The following UGGT1 variants were observed in gnomAD, a reference collection of about 807,000 sequenced individuals.
UGGT1 encodes the protein UDP-glucose glycoprotein glucosyltransferase 1.
In UGGT1, 107 loss-of-function variants were observed where a neutral mutation model predicts 203.9. That is an observed-to-expected ratio of 0.52 (90% CI 0.45 to 0.62). UGGT1 has a LOEUF of 0.62. Ranked by LOEUF, UGGT1 falls within the 20% of genes least tolerant of loss-of-function variation. The pLI is 0.00. For missense variants in UGGT1, 1,673 were observed against 1,867.2 expected (o/e 0.90, Z 1.92); for synonymous variants, 628 against 653.5 (o/e 0.96, Z 0.59).
intron 22 of UGGT1, 95 bp from the exon 23 acceptor site, chr2:128,159,416 ATAT>A: frequency 8.7e-6 from 10 of 1,148,532 alleles, no homozygotes; most frequent in Middle Eastern, 2.0e-4. Context: ...TTTAAGAGAG[ATAT>A]TATTTGCTAC....
At chr2:128,165,227 G>A (rs1448688565) in intron 26 of UGGT1, among the ~76,000 whole-genome samples, 2 of 152,190 alleles carry the variant, frequency 1.3e-5, no homozygotes, top group Non-Finnish European at 2.9e-5. Flanking sequence ...AGAAGCTCGA[G>A]ACCAGCAAAC....
At chr2:128,125,057 C>T (rs1296419670) in intron 11 of UGGT1, among the ~76,000 whole-genome samples, 1 of 152,144 alleles carries the variant, frequency 6.6e-6, no homozygotes, top group African/African-American at 2.4e-5. Context: ...TTGGGTTGGT[C>T]AGTCCTTGTC....
chr2:128,107,258 T>C (rs1053850425), intron 3 of UGGT1, among the ~76,000 whole-genome samples: 88 of 152,236 alleles, frequency 5.8e-4, no homozygotes, highest in Non-Finnish European at 4.1e-4. Context: ...TCATTTATCC[T>C]GGGGATTTTT....
At position 128,189,773 on chromosome 2, in the gene UGGT1, T is replaced by G; in HGVS notation, c.*31T>G. The G allele has an allele frequency of 6.2e-7, 1 of 1,611,236 alleles. No homozygotes were observed. The highest frequency in any genetic ancestry group is 8.5e-7 in the Non-Finnish European group (1 of 1,178,218). On this transcript the variant is annotated 3_prime_UTR_variant, in exon 41 of 41. Transcript: ENST00000259253. ...GGAGAAGGACAGGAAATCACCCCAT[T>G]TGAAAAACAGTTTTTATAATAAATG... is the stretch of plus-strand genomic sequence containing the variant.
chr2:128,107,285 A>G (rs906325156), intron 3 of UGGT1, among the ~76,000 whole-genome samples: 4 of 150,382 alleles, frequency 2.7e-5, no homozygotes, highest in Admixed American at 2.7e-4. Flanking sequence ...TCGTATTTGG[A>G]TTTTTTTTTC....
intron 19 of UGGT1, among the ~76,000 whole-genome samples, chr2:128,154,223 G>A (rs190754922): frequency 2.6e-5 from 4 of 152,288 alleles, no homozygotes; most frequent in Admixed American, 6.5e-5. Flanking sequence ...GTAGAGCAAG[G>A]TGAGCGTGTT....
intron 37 of UGGT1, 65 bp from the exon 38 acceptor site, chr2:128,183,610 C>A: frequency 1.6e-6 from 2 of 1,221,898 alleles, no homozygotes; most frequent in Non-Finnish European, 2.4e-6. Context: ...TTCCATTATT[C>A]ATTGGGTTTA....
intron 17 of UGGT1, among the ~76,000 whole-genome samples, chr2:128,145,163 G>T (rs1049006383): frequency 1.3e-5 from 2 of 152,152 alleles, no homozygotes; most frequent in Non-Finnish European, 2.9e-5. Context: ...TTCTTTGTTA[G>T]TGATATGGAC....
At position 128,097,429 on chromosome 2, in the gene UGGT1, G is replaced by A; in HGVS notation, c.59G>A (p.Gly20Glu). ...ACTTCTTTTCTTTTTTTCCTTTTAG[G>A]AGTTTGCTATAAAATGGGAGTTCTG... ...ACAAGALPVTGVCYKMGVLVV... is the reference protein window; with the variant it reads ...ACAAGALPVTEVCYKMGVLVV... The change falls in exon 2 of 41, where the codon GGA becomes GAA. Residue 20 changes from glycine (G) to glutamate (E), a missense_variant and splice_region_variant. Coordinates refer to ENST00000259253, the MANE Select transcript of UGGT1 (RefSeq NM_020120.4). 2 of 1,597,776 alleles carry A rather than the reference G, an allele frequency of 1.3e-6. No homozygotes were observed. Among genetic ancestry groups the A allele is most frequent in the South Asian group, 2.3e-5 (2 of 87,432 alleles).
intron 28 of UGGT1, among the ~76,000 whole-genome samples, chr2:128,172,244 T>C (rs1490538580): frequency 1.3e-5 from 2 of 152,166 alleles, no homozygotes; most frequent in Non-Finnish European, 2.9e-5. Flanking sequence ...GTTCAAGTGA[T>C]TGGATTTTGG....
intron 1 of UGGT1, among the ~76,000 whole-genome samples, chr2:128,092,605 C>CTTTCT (rs371694344): frequency 3.2e-5 from 4 of 126,700 alleles, no homozygotes; most frequent in East Asian, 4.4e-4. Flanking sequence ...TTCTTTCTTT[C>CTTTCT]TTTTTTTTTT....
intron 8 of UGGT1, among the ~76,000 whole-genome samples, chr2:128,118,390 C>T (rs931799137): frequency 1.3e-5 from 2 of 152,002 alleles, no homozygotes; most frequent in Non-Finnish European, 2.9e-5. Context: ...CTCACCCTCT[C>T]GAATAGCTGG....
Position 128,186,319 on chromosome 2 carries a change from C to T in UGGT1, c.4360-364C>T, listed in dbSNP as rs72848172. Among the ~76,000 whole-genome samples the T allele has an allele frequency of 7.0e-3, 1,073 of 152,288 alleles. 7 individuals are homozygous for T. The highest frequency in any genetic ancestry group is 0.019 in the South Asian group (94 of 4,828). On this transcript the variant is annotated intron_variant, in intron 38 of 40. Transcript: ENST00000259253. The stretch of plus-strand genomic sequence containing the variant: ...GATGTTCTATACGTTTGTCTCCACA[C>T]GAACTGGCTGGGTGCAGTGGCTCAT...
chr2:128,144,580 G>A (rs898459573), intron 17 of UGGT1, among the ~76,000 whole-genome samples: 2 of 152,292 alleles, frequency 1.3e-5, no homozygotes, highest in South Asian at 2.1e-4. Flanking sequence ...TGAAATAGTC[G>A]AGATGTCAAA....
intron 7 of UGGT1, among the ~76,000 whole-genome samples, chr2:128,115,839 T>C (rs1371194732): frequency 1.3e-5 from 2 of 152,160 alleles, no homozygotes; most frequent in African/African-American, 4.8e-5. Context: ...AGATGGAAAA[T>C]AAACTACTAC....
chr2:128,091,614 G>T (rs1399925663), intron 1 of UGGT1, 199 bp downstream of exon 1: 3 of 1,435,060 alleles, frequency 2.1e-6, no homozygotes, highest in Admixed American at 3.0e-5. Flanking sequence ...TTCCGCGGGG[G>T]TGGCGGCGGG....
chr2:128,107,685 T>C (rs1192422730), intron 3 of UGGT1, among the ~76,000 whole-genome samples: 2 of 152,206 alleles, frequency 1.3e-5, no homozygotes, highest in African/African-American at 4.8e-5. Context: ...AGTATGTAGC[T>C]GTAAGTCATC....
At chr2:128,144,673 C>T (rs1415815681) in intron 17 of UGGT1, among the ~76,000 whole-genome samples, 2 of 152,130 alleles carry the variant, frequency 1.3e-5, no homozygotes, top group Admixed American at 6.5e-5. Context: ...CTTGAACCAA[C>T]CTAGAAGGCT....
At chr2:128,113,008 GTACTT>G in intron 5 of UGGT1, 71 bp from the exon 6 acceptor site, 11 of 1,297,274 alleles carry the variant, frequency 8.5e-6, no homozygotes, top group Non-Finnish European at 9.3e-6. Context: ...TTTCATAACT[GTACTT>G]TATATTTTGT....
Sources: allele counts gnomAD v4.1 joint callset (sites outside exome capture counted in the v4.1 genomes callset), GRCh38; gene constraint gnomAD v4.1.1; transcripts MANE v1.5; gene names NCBI Gene and HGNC (gene_info 2026-07-23, HGNC 2026-07-21).